LPP: variants seen among roughly 807,000 people sequenced by gnomAD.
LPP encodes LIM domain containing preferred translocation partner in lipoma, also known as lipoma-preferred partner.
LPP carries 38 observed loss-of-function variants against 60.4 expected under a neutral mutation model. The ratio of observed to expected loss-of-function variants is 0.63; its 90% confidence interval spans 0.49 to 0.83. The LOEUF (loss-of-function observed/expected upper bound fraction) is 0.83. Ranked by LOEUF, LPP falls within the 40% of genes least tolerant of loss-of-function variation. The pLI is 0.00. For synonymous variants in LPP, 328 were observed against 290.8 expected (o/e 1.13, Z -1.30); for missense variants, 902 against 783.6 (o/e 1.15, Z -1.80).
chr3:188,689,676 T>C (rs1861659781), intron 7 of LPP, among the ~76,000 whole-genome samples: 1 of 152,236 alleles, frequency 6.6e-6, no homozygotes, highest in South Asian at 2.1e-4. Context: ...CAGTTCCTAA[T>C]AGTCTCTCTG....
chr3:188,853,471 G>A lies in LPP; in HGVS notation c.1411-12729G>A, dbSNP rs908151855. On this transcript the variant is annotated intron_variant, in intron 9 of 11. Coordinates refer to ENST00000617246, the MANE Select transcript of LPP (RefSeq NM_001375462.1). ...TGTATGTAACTTGTTAAGGAAATAC[G>A]TTCAAGGCAGGGGCAACAGCAGGTG... Among the ~76,000 whole-genome samples the A allele has an allele frequency of 7.9e-5, 12 of 152,172 alleles. 1 individual carries two copies. The highest frequency in any genetic ancestry group is 7.2e-4 in the Admixed American group (11 of 15,288).
chr3:188,679,195 A>G (rs1017882873), intron 7 of LPP, among the ~76,000 whole-genome samples: 2 of 152,326 alleles, frequency 1.3e-5, no homozygotes, highest in Admixed American at 6.5e-5. Flanking sequence ...TACTAACTGC[A>G]TAGGCACCTT....
chr3:188,547,265 A>T (rs1826899848), intron 6 of LPP, among the ~76,000 whole-genome samples: 1 of 152,192 alleles, frequency 6.6e-6, no homozygotes, highest in Admixed American at 6.6e-5. Context: ...TTATATACAC[A>T]ATGATGACTC....
intron 2 of LPP, among the ~76,000 whole-genome samples, chr3:188,308,465 T>G (rs1752225980): frequency 6.6e-6 from 1 of 152,234 alleles, no homozygotes; most frequent in South Asian, 2.1e-4. Flanking sequence ...TTTAAACAGT[T>G]ACTGATAATA....
chr3:188,354,883 G>A (rs1175926688), intron 3 of LPP, among the ~76,000 whole-genome samples: 1 of 152,068 alleles, frequency 6.6e-6, no homozygotes, highest in African/African-American at 2.4e-5. Flanking sequence ...GCATCACTTT[G>A]TACCTTCCTC....
intron 1 of LPP, among the ~76,000 whole-genome samples, chr3:188,191,209 G>A (rs1030457492): frequency 6.6e-6 from 1 of 152,314 alleles, no homozygotes; most frequent in East Asian, 1.9e-4. Context: ...TAGCCTGGGC[G>A]ACAGAGCAAG....
chr3:188,268,380 T>A (rs1736396781), intron 2 of LPP, among the ~76,000 whole-genome samples: 1 of 152,184 alleles, frequency 6.6e-6, no homozygotes, highest in African/African-American at 2.4e-5. Flanking sequence ...CAAAGAACAA[T>A]TCGTGAATTG....
At chr3:188,785,547 T>TATATATATATATATATATATATACACAC (rs1206082559) in intron 9 of LPP, among the ~76,000 whole-genome samples, 1 of 43,838 alleles carries the variant, frequency 2.3e-5, no homozygotes, top group African/African-American at 9.4e-5. Context: ...TATATATATA[T>TATATATATATATATATATATATACACAC]ACACACACAC....
At chr3:188,606,778 G>T (rs1459510561) in intron 6 of LPP, among the ~76,000 whole-genome samples, 1 of 152,044 alleles carries the variant, frequency 6.6e-6, no homozygotes, top group African/African-American at 2.4e-5. Context: ...CGTCAATAAT[G>T]CCAGTCATAA....
chr3:188,792,170 G>T (rs374869454), intron 9 of LPP, among the ~76,000 whole-genome samples: 1 of 152,150 alleles, frequency 6.6e-6, no homozygotes, highest in African/African-American at 2.4e-5. Context: ...AGAGTTTGTA[G>T]GACAGGATAC....
intron 9 of LPP, among the ~76,000 whole-genome samples, chr3:188,849,874 G>A (rs908250309): frequency 2.6e-5 from 4 of 152,158 alleles, no homozygotes; most frequent in African/African-American, 9.7e-5. Context: ...CCTCCAACCT[G>A]AAGACAACGT....
chr3:188,301,715 G>A (rs1749924344), intron 2 of LPP, among the ~76,000 whole-genome samples: 3 of 152,026 alleles, frequency 2.0e-5, no homozygotes. Flanking sequence ...TACCCAGGCT[G>A]GAGTGCAGTG....
chr3:188,498,670 A>G (rs1337034794), intron 5 of LPP, among the ~76,000 whole-genome samples: 2 of 152,184 alleles, frequency 1.3e-5, no homozygotes, highest in African/African-American at 2.4e-5. Context: ...TTTTGAGTAT[A>G]TACCCAGAAG....
chr3:188,211,292 T>G (rs571839813), intron 1 of LPP, among the ~76,000 whole-genome samples: 1 of 152,286 alleles, frequency 6.6e-6, no homozygotes, highest in Non-Finnish European at 1.5e-5. Context: ...GAGCTGTTTA[T>G]AGCTTGAAGA....
intron 9 of LPP, among the ~76,000 whole-genome samples, chr3:188,812,558 T>C (rs1751304150): frequency 1.3e-5 from 2 of 152,240 alleles, no homozygotes; most frequent in Admixed American, 1.3e-4. Context: ...TCCCCTTCTC[T>C]TGTGCATATT....
rs142813032 is a variant in LPP, at chr3:188,614,854, G to A, written c.1113+5010G>A. ...ACCATGGCCTTTGGATAAAATCAGC[G>A]GTTGGAGGGGAAGCACCCATTAAAT... On this transcript the variant is annotated intron_variant, in intron 7 of 11. Transcript: ENST00000617246. 3.4e-3 allele frequency among the ~76,000 whole-genome samples: 515 copies of A among 152,228 alleles called. 2 individuals are homozygous for A. Among genetic ancestry groups the A allele is most frequent in the African/African-American group, 0.011 (476 of 41,546 alleles).
chr3:188,261,446 AT>A (rs1430406446), intron 2 of LPP, among the ~76,000 whole-genome samples: 1 of 152,086 alleles, frequency 6.6e-6, no homozygotes, highest in Non-Finnish European at 1.5e-5. Flanking sequence ...GCTATCATTT[AT>A]TTTTTTCACT....
chr3:188,547,687 T>C (rs528693778), intron 6 of LPP, among the ~76,000 whole-genome samples: 56 of 152,330 alleles, frequency 3.7e-4, no homozygotes, highest in African/African-American at 1.3e-3. Flanking sequence ...TCTTAATTTT[T>C]ACAAAAATAA....
chr3:188,609,304 C>T lies in LPP; in HGVS notation c.573C>T (p.Ile191=), dbSNP rs549063739. ...AGCCTGCACCCCAGGCTGGACCCAT[C>T]CCTGTGGCTCCAATCGGAACACTCA... The part of the protein sequence containing the change: ...KPQPAPQAGP[I]PVAPIGTLKP... The change falls in exon 7 of 12, where the codon ATC becomes ATT. Residue 191 remains isoleucine (I), a synonymous_variant. Coordinates refer to ENST00000617246, the MANE Select transcript of LPP (RefSeq NM_001375462.1). This position sits in a 1 kb window ranked among gnomAD's most constrained non-coding sequence, Gnocchi z 6.9. 5 of 1,614,114 alleles carry T rather than the reference C, an allele frequency of 3.1e-6. No homozygotes were observed. In the East Asian group the frequency reaches 6.7e-5, roughly 22 times the overall value.
Sources: allele counts gnomAD v4.1 joint callset (sites outside exome capture counted in the v4.1 genomes callset), GRCh38; gene constraint gnomAD v4.1.1; non-coding constraint Gnocchi (gnomAD v3.1); transcripts MANE v1.5; gene names NCBI Gene and HGNC (gene_info 2026-07-23, HGNC 2026-07-21).